Variants in C14orf39 observed in about 807,000 individuals in gnomAD.
C14orf39 encodes protein SIX6OS1.
C14orf39 carries 66 observed loss-of-function variants against 85.6 expected under a neutral mutation model. The observed-to-expected ratio is 0.77, with a 90% CI of 0.63 to 0.95. The LOEUF (loss-of-function observed/expected upper bound fraction) is 0.95. Ranked by LOEUF, C14orf39 falls within the 40% of genes least tolerant of loss-of-function variation. The probability of loss-of-function intolerance (pLI) is 0.00; values close to 1 mark genes in which losing one functional copy is unlikely to be tolerated. For missense variants in C14orf39, 735 were observed against 663.9 expected (o/e 1.11, Z -1.18); for synonymous variants, 242 against 214.0 (o/e 1.13, Z -1.14).
At chr14:60,462,635 G>A (rs772700264) in intron 11 of C14orf39, among the ~76,000 whole-genome samples, 24 of 152,046 alleles carry the variant, frequency 1.6e-4, no homozygotes, top group Non-Finnish European at 2.9e-4. Context: ...CTCCTTTAAA[G>A]AACAAGTGAT....
In C14orf39 at chr14:60,466,064, T is replaced by C; in HGVS notation, c.896-9A>G. The C allele has an allele frequency of 7.2e-7, 1 of 1,380,954 alleles. No homozygotes were observed. Among genetic ancestry groups the C allele is most frequent in the Non-Finnish European group, 9.8e-7 (1 of 1,017,414 alleles). 85.5% of individuals were successfully genotyped at this position (1,380,954 alleles called of 1,614,324 possible). Reference sequence around the variant, plus strand: ...ACTTTCTTCTTTTATATCTAGATTATTAAATAGTACTACTTTAAATCAATG... The same window carrying C: ...ACTTTCTTCTTTTATATCTAGATTACTAAATAGTACTACTTTAAATCAATG... On this transcript the variant is annotated splice_polypyrimidine_tract_variant and intron_variant, in intron 10 of 17. Transcript: ENST00000321731.
intron 17 of C14orf39, among the ~76,000 whole-genome samples, chr14:60,438,521 A>C (rs1010991022): frequency 2.0e-5 from 3 of 152,184 alleles, no homozygotes; most frequent in African/African-American, 7.2e-5. Flanking sequence ...AAATAAAAGA[A>C]CACATTACTG....
At chr14:60,470,141 G>T (rs775609077) in intron 7 of C14orf39, among the ~76,000 whole-genome samples, 1 of 151,598 alleles carries the variant, frequency 6.6e-6, no homozygotes, top group African/African-American at 2.4e-5. Flanking sequence ...GCTCTGTAAG[G>T]CTCATCAGTG....
At chr14:60,473,233 C>T (rs1462759237) in intron 5 of C14orf39, among the ~76,000 whole-genome samples, 1 of 152,164 alleles carries the variant, frequency 6.6e-6, no homozygotes, top group Admixed American at 6.6e-5. Flanking sequence ...ATATCCTTCA[C>T]CCACTTTTTG....
At chr14:60,440,689 G>GA (rs1274762099) in intron 17 of C14orf39, among the ~76,000 whole-genome samples, 2 of 151,554 alleles carry the variant, frequency 1.3e-5, no homozygotes, top group African/African-American at 4.8e-5. Flanking sequence ...ATTTCACTCA[G>GA]AAAAAAAACC....
intron 5 of C14orf39, 121 bp downstream of exon 5, chr14:60,478,178 CA>C (rs71435508): frequency 0.012 from 1,118 of 89,808 alleles, 1 homozygote; most frequent in South Asian, 0.044. Context: ...GACTCCATCT[CA>C]AAAAAAAAAA....
intron 2 of C14orf39, among the ~76,000 whole-genome samples, chr14:60,493,342 A>G (rs979959349): frequency 6.6e-5 from 10 of 152,190 alleles, no homozygotes; most frequent in Non-Finnish European, 1.5e-5. Context: ...GGCATATAAA[A>G]CAGGTCCCTA....
intron 7 of C14orf39, 73 bp from the exon 8 acceptor site, chr14:60,469,726 TTAA>T (rs1433817211): frequency 1.0e-5 from 7 of 684,604 alleles, no homozygotes; most frequent in East Asian, 3.6e-5. Context: ...TCAGAAATGA[TTAA>T]TATTATGTGA....
At position 60,471,537 on chromosome 14, in the gene C14orf39, CA is replaced by C; in HGVS notation, c.511+14del. On this transcript the variant is annotated intron_variant, in intron 6 of 17. Coordinates refer to ENST00000321731, the MANE Select transcript of C14orf39 (RefSeq NM_174978.3). ...AGATATCATAATTAAAACAATATAA[CA>C]AAAATATTAATACCTCGAAATTTCA... 1 of 1,583,666 alleles carries C rather than the reference CA, an allele frequency of 6.3e-7. No individual in the cohort carries two copies. The highest frequency in any genetic ancestry group is 8.6e-7 in the Non-Finnish European group (1 of 1,166,496).
intron 16 of C14orf39, among the ~76,000 whole-genome samples, chr14:60,448,891 A>C (rs192186448): frequency 6.6e-6 from 1 of 152,358 alleles, no homozygotes; most frequent in East Asian, 1.9e-4. Context: ...TTGCAGGGAC[A>C]TGGATGCAGC....
In C14orf39 at chr14:60,502,572, C is replaced by T. The variant is rs200716664; in HGVS notation, c.-143-3142G>A. On this transcript the variant is annotated intron_variant, in intron 1 of 5. Coordinates refer to the C14orf39 transcript ENST00000556799. ...CAAGGCATAACAGAGAAAGTAATAA[C>T]AGATAAAACACTAAAACAGAAAAAA... is the stretch of plus-strand genomic sequence containing the variant. 2.7e-4 allele frequency among the ~76,000 whole-genome samples: 41 copies of T among 152,224 alleles called. 2 individuals are homozygous for T. The East Asian group carries it at 4.2e-3, about 16-fold the overall frequency.
At chr14:60,512,399 T>C (rs1462430822) in intron 1 of C14orf39, 3 of 152,206 alleles carry the variant, frequency 2.0e-5, no homozygotes, top group African/African-American at 7.2e-5. Flanking sequence ...TGAGCTATTA[T>C]TAAAATAAGA....
chr14:60,509,319 C>T, intron 1 of C14orf39: 2 of 1,237,450 alleles, frequency 1.6e-6, no homozygotes, highest in Non-Finnish European at 2.3e-6. Context: ...AAGCGCCTGG[C>T]ACACTCAGCC....
upstream of C14orf39, among the ~76,000 whole-genome samples, chr14:60,490,487 ATAGG>A (rs1892971778): frequency 2.0e-5 from 3 of 147,378 alleles, no homozygotes; most frequent in Admixed American, 6.8e-5. Flanking sequence ...AAATAAATAA[ATAGG>A]TGCACACCTG....
At chr14:60,495,120 GC>G in intron 2 of C14orf39, 1 of 235,648 alleles carries the variant, frequency 4.2e-6, no homozygotes, top group Non-Finnish European at 8.8e-6. Flanking sequence ...AAAAAGCTTG[GC>G]CATAGATCTT....
intron 17 of C14orf39, among the ~76,000 whole-genome samples, chr14:60,438,779 A>G (rs1482455288): frequency 6.6e-6 from 1 of 152,164 alleles, no homozygotes; most frequent in East Asian, 1.9e-4. Flanking sequence ...AGAAAGAGAT[A>G]GAAGTTGGGG....
chr14:60,510,692 C>A (rs1283243284), intron 1 of C14orf39, among the ~76,000 whole-genome samples: 2 of 152,238 alleles, frequency 1.3e-5, no homozygotes, highest in Non-Finnish European at 2.9e-5. Flanking sequence ...AAGCCCCAGG[C>A]AGACGCACCG....
intron 16 of C14orf39, among the ~76,000 whole-genome samples, chr14:60,443,593 G>C (rs1197067708): frequency 2.0e-5 from 3 of 152,192 alleles, no homozygotes; most frequent in Non-Finnish European, 2.9e-5. Flanking sequence ...CTGTGAGCAG[G>C]GCACAGCTGA....
chr14:60,446,680 T>A (rs1890780455), intron 16 of C14orf39, among the ~76,000 whole-genome samples: 1 of 152,018 alleles, frequency 6.6e-6, no homozygotes, highest in South Asian at 2.1e-4. Flanking sequence ...TAAAAGGGAA[T>A]CCCCCATAAC....
Sources: allele counts gnomAD v4.1 joint callset (sites outside exome capture counted in the v4.1 genomes callset), GRCh38; gene constraint gnomAD v4.1.1; transcripts MANE v1.5; gene names NCBI Gene and HGNC (gene_info 2026-07-23, HGNC 2026-07-21).